ADAMTS19: variants seen among roughly 807,000 people sequenced by gnomAD.
ADAMTS19 encodes ADAM metallopeptidase with thrombospondin type 1 motif 19, also known as A disintegrin and metalloproteinase with thrombospondin motifs 19.
ADAMTS19 carries 93 observed loss-of-function variants against 153.3 expected under a neutral mutation model. The observed-to-expected ratio is 0.61, with a 90% CI of 0.51 to 0.72. The LOEUF (loss-of-function observed/expected upper bound fraction) is 0.72. ADAMTS19 is among the 30% of genes least tolerant of loss of function. The pLI is 0.00. For missense variants in ADAMTS19, 1,482 were observed against 1,552.1 expected (o/e 0.95, Z 0.76); for synonymous variants, 600 against 556.6 (o/e 1.08, Z -1.10).
chr5:129,632,399 A>G (rs1388285085), intron 10 of ADAMTS19, among the ~76,000 whole-genome samples: 1 of 152,046 alleles, frequency 6.6e-6, no homozygotes, highest in African/African-American at 2.4e-5. Flanking sequence ...ATTGTAGACC[A>G]TACAATAAAA....
At position 129,648,975 on chromosome 5, in the gene ADAMTS19, G is replaced by A; in HGVS notation, c.2176+5G>A. ...GGCAAGCTGTCCTGGATGAAGGTAT[G>A]ACCAACCAGATCACCACCATCTTTG... On this transcript the variant is annotated splice_donor_5th_base_variant and intron_variant, in intron 13 of 22. Coordinates refer to ENST00000274487, the MANE Select transcript of ADAMTS19 (RefSeq NM_133638.6). 6.3e-7 allele frequency: 1 copy of A among 1,582,210 alleles called. No homozygotes were observed.
intron 5 of ADAMTS19, 105 bp downstream of exon 5, chr5:129,527,936 A>C: frequency 1.5e-6 from 1 of 659,912 alleles, no homozygotes; most frequent in Non-Finnish European, 2.6e-6. Context: ...ATCCAGAAAT[A>C]TCCACTGAAT....
intron 3 of ADAMTS19, among the ~76,000 whole-genome samples, chr5:129,516,761 T>G (rs1581028320): frequency 2.4e-5 from 2 of 82,544 alleles, no homozygotes; most frequent in African/African-American, 2.4e-4. Context: ...GTTTTATTGA[T>G]TTTTTTTGTA....
At position 129,693,313 on chromosome 5, in the gene ADAMTS19, A is replaced by G. The variant is rs1755416470; in HGVS notation, c.2819-1407A>G. 2.6e-5 allele frequency among the ~76,000 whole-genome samples: 4 copies of G among 152,120 alleles called. No homozygotes were observed. The South Asian group carries it at 8.3e-4, about 31-fold the overall frequency. On this transcript the variant is annotated intron_variant, in intron 18 of 22. Coordinates refer to ENST00000274487, the MANE Select transcript of ADAMTS19 (RefSeq NM_133638.6). Reference sequence around the variant, plus strand: ...TACATCCCTTCCTTCCTCATTCTTGATGCCAGCTGCTCTTTCTGTTAATTG... The same window carrying G: ...TACATCCCTTCCTTCCTCATTCTTGGTGCCAGCTGCTCTTTCTGTTAATTG...
chr5:129,561,374 A>C (rs1455966011), intron 7 of ADAMTS19, among the ~76,000 whole-genome samples: 1 of 152,048 alleles, frequency 6.6e-6, no homozygotes, highest in African/African-American at 2.4e-5. Flanking sequence ...CTAAAAATAC[A>C]AAAAATTAGC....
chr5:129,672,523 G>C (rs1312231232), intron 16 of ADAMTS19, among the ~76,000 whole-genome samples: 2 of 152,146 alleles, frequency 1.3e-5, no homozygotes, highest in Non-Finnish European at 2.9e-5. Context: ...CCTTTACAAA[G>C]TGGGAGCTCT....
chr5:129,694,105 A>T (rs1045617502), intron 18 of ADAMTS19, among the ~76,000 whole-genome samples: 1 of 152,186 alleles, frequency 6.6e-6, no homozygotes, highest in Non-Finnish European at 1.5e-5. Context: ...AAAGATGGCC[A>T]CAATCCTTTA....
intron 6 of ADAMTS19, among the ~76,000 whole-genome samples, chr5:129,543,051 T>G (rs562418925): frequency 3.5e-4 from 53 of 150,930 alleles, no homozygotes; most frequent in Non-Finnish European, 6.5e-4. Context: ...TTGTTTTGTT[T>G]TTTTTTTTTT....
At position 129,620,672 on chromosome 5, in the gene ADAMTS19, C is replaced by A; in HGVS notation, c.1533C>A (p.Ile511=). 1.2e-6 allele frequency: 2 copies of A among 1,612,620 alleles called. No individual in the cohort carries two copies. The highest frequency in any genetic ancestry group is 1.7e-6 in the Non-Finnish European group (2 of 1,178,978). The part of the protein sequence containing the change: ...DHPSCADGLH[I]MSGEWIKGQN... ...CATCGTGTGCTGATGGTCTTCATAT[C>A]ATGTCTGGTGAATGGATTAAAGGAC... is the stretch of plus-strand genomic sequence containing the variant. Residue 511 remains isoleucine, a synonymous_variant, in exon 9 of 23, where the codon ATC becomes ATA. Transcript: ENST00000274487.
At chr5:129,626,513 G>A (rs1752057028) in intron 10 of ADAMTS19, among the ~76,000 whole-genome samples, 2 of 152,030 alleles carry the variant, frequency 1.3e-5, no homozygotes, top group South Asian at 4.1e-4. Flanking sequence ...TACACATTGT[G>A]CTAATAAAGT....
chr5:129,547,999 C>T (rs1052555979), intron 6 of ADAMTS19, among the ~76,000 whole-genome samples: 8 of 150,698 alleles, frequency 5.3e-5, no homozygotes, highest in African/African-American at 2.0e-4. Flanking sequence ...TGGATCCCTT[C>T]CTTACACCTT....
At chr5:129,729,929 T>C (rs1331163074) in intron 21 of ADAMTS19, among the ~76,000 whole-genome samples, 2 of 152,214 alleles carry the variant, frequency 1.3e-5, no homozygotes, top group African/African-American at 4.8e-5. Context: ...ACCTTCTTTA[T>C]CACATCAGAG....
intron 19 of ADAMTS19, among the ~76,000 whole-genome samples, chr5:129,699,305 C>T (rs1278856196): frequency 6.6e-6 from 1 of 151,932 alleles, no homozygotes; most frequent in East Asian, 1.9e-4. Context: ...TGCCCATAAG[C>T]CCAGCTACTT....
intron 15 of ADAMTS19, among the ~76,000 whole-genome samples, chr5:129,663,642 C>A (rs1753915414): frequency 6.6e-6 from 1 of 152,160 alleles, no homozygotes; most frequent in South Asian, 2.1e-4. Flanking sequence ...CCCTTAGCCT[C>A]CACTACTCCT....
intron 6 of ADAMTS19, among the ~76,000 whole-genome samples, chr5:129,532,597 G>GA (rs1376949110): frequency 6.6e-6 from 1 of 151,974 alleles, no homozygotes; most frequent in Non-Finnish European, 1.5e-5. Context: ...ATTTACTTAA[G>GA]AAAAATAAAA....
chr5:129,604,099 C>T (rs965138824), intron 8 of ADAMTS19, among the ~76,000 whole-genome samples: 7 of 151,540 alleles, frequency 4.6e-5, no homozygotes, highest in African/African-American at 7.3e-5. Context: ...TACTGGGGCT[C>T]GGTGGGGAGG....
intron 16 of ADAMTS19, among the ~76,000 whole-genome samples, chr5:129,674,188 A>T (rs1218154218): frequency 6.6e-6 from 1 of 151,934 alleles, no homozygotes. Flanking sequence ...CTGAGATCAC[A>T]CTATTGCACT....
At chr5:129,660,792 T>G (rs1753785329) in intron 15 of ADAMTS19, among the ~76,000 whole-genome samples, 1 of 152,194 alleles carries the variant, frequency 6.6e-6, no homozygotes, top group East Asian at 1.9e-4. Flanking sequence ...ACTTTCTTCC[T>G]TACAACTCTA....
intron 11 of ADAMTS19, among the ~76,000 whole-genome samples, chr5:129,642,376 A>G (rs988139076): frequency 3.3e-5 from 5 of 152,154 alleles, no homozygotes; most frequent in Non-Finnish European, 2.9e-5. Flanking sequence ...TTCTTTGTCA[A>G]TATAATAATC....
Sources: gnomAD v4.1 joint callset for allele counts (sites outside exome capture counted in the v4.1 genomes callset) on GRCh38, gnomAD v4.1.1 for gene constraint, MANE v1.5 for transcripts, NCBI Gene and HGNC (gene_info 2026-07-23, HGNC 2026-07-21) for gene names.